The following LYRM2 variants were observed in gnomAD, a reference collection of about 807,000 sequenced individuals.
LYRM2 encodes the protein LYR motif-containing protein 2.
In LYRM2, 8 loss-of-function variants were observed where a neutral mutation model predicts 11.6. The observed-to-expected ratio is 0.69, with a 90% CI of 0.40 to 1.24. LYRM2 has a LOEUF of 1.24. Among genes scored for constraint, LYRM2 ranks in the 50% most tolerant of loss-of-function variants. LYRM2 has a pLI of 0.01. For missense variants in LYRM2, 117 were observed against 102.9 expected (o/e 1.14, Z -0.59); for synonymous variants, 30 against 36.4 (o/e 0.83, Z 0.63).
rs1807890055 is a variant in LYRM2, at chr6:89,634,085, G to C, written c.*3188C>G. The C allele has an allele frequency of 6.6e-6, 1 of 152,186 alleles. No homozygotes were observed. Among genetic ancestry groups the C allele is most frequent in the African/African-American group, 2.4e-5 (1 of 41,442 alleles). The allele number at this position is 152,186 out of a possible 1,614,324, so 9.4% of individuals were successfully genotyped here. On this transcript the variant is annotated 3_prime_UTR_variant, in exon 3 of 3. Coordinates refer to ENST00000523377, the MANE Select transcript of LYRM2 (RefSeq NM_020466.5). ...TTGGAAAATACTGGACAAAGGGGAAGGACAAAACATCATTTGCAATAGTTA... is the reference window on the plus strand; with the variant it reads ...TTGGAAAATACTGGACAAAGGGGAACGACAAAACATCATTTGCAATAGTTA...
chr6:89,636,444 T>G lies in LYRM2; in HGVS notation c.*829A>C, dbSNP rs1045183032. On this transcript the variant is annotated 3_prime_UTR_variant, in exon 3 of 3. Coordinates refer to ENST00000523377, the MANE Select transcript of LYRM2 (RefSeq NM_020466.5). ...ATCCATGTTTAGTATATATAAGTCC[T>G]TCGTTTCTTTTTAGTGCCAAATAAT... 6.6e-6 allele frequency: 1 copy of G among 152,206 alleles called. No individual in the cohort carries two copies. The highest frequency in any genetic ancestry group is 1.5e-5 in the Non-Finnish European group (1 of 68,056). 9.4% of individuals were successfully genotyped at this position (152,206 alleles called of 1,614,324 possible).
In LYRM2 at chr6:89,634,593, C is replaced by T. The variant is rs1033724153; in HGVS notation, c.*2680G>A. On this transcript the variant is annotated 3_prime_UTR_variant, in exon 3 of 3. Coordinates refer to ENST00000523377, the MANE Select transcript of LYRM2 (RefSeq NM_020466.5). The stretch of plus-strand genomic sequence containing the variant: ...GGTCATGGTGGCACATGCCTGTGGT[C>T]CCAGCTAAATGAAAATCTGAAGCAG... The T allele has an allele frequency of 2.6e-5, 4 of 151,960 alleles. No homozygotes were observed. The highest frequency in any genetic ancestry group is 5.9e-5 in the Non-Finnish European group (4 of 68,000). 9.4% of individuals were successfully genotyped at this position (151,960 alleles called of 1,614,324 possible).
Position 89,636,148 on chromosome 6 carries a change from A to G in LYRM2, c.*1125T>C, listed in dbSNP as rs1362657183. ...TCAAGAGTTTTTTAATAACAGCTTT[A>G]TTGAGATACAATTCATACCTTACAT... On this transcript the variant is annotated 3_prime_UTR_variant, in exon 3 of 3. Coordinates refer to ENST00000523377, the MANE Select transcript of LYRM2 (RefSeq NM_020466.5). 6.6e-6 allele frequency: 1 copy of G among 152,240 alleles called. No individual in the cohort carries two copies. Among genetic ancestry groups the G allele is most frequent in the African/African-American group, 2.4e-5 (1 of 41,458 alleles). 9.4% of individuals were successfully genotyped at this position (152,240 alleles called of 1,614,324 possible). A position where few individuals can be genotyped will look rare whatever the true frequency, so the allele number is the denominator to read the frequency against.
chr6:89,638,392 A>G (rs927492943), intron 1 of LYRM2: 7 of 1,392,992 alleles, frequency 5.0e-6, no homozygotes, highest in Non-Finnish European at 6.5e-6. Flanking sequence ...GCTCAGTGCA[A>G]TAGACTTTTA....
Position 89,633,427 on chromosome 6 carries a change from G to A in LYRM2, c.*3846C>T, listed in dbSNP as rs548945955. The stretch of plus-strand genomic sequence containing the variant: ...TAGCTATCTGCTAAAGTGAGTAAAT[G>A]CCACAACTGTACTTTTCCAAAGAAA... On this transcript the variant is annotated 3_prime_UTR_variant, in exon 3 of 3. Transcript: ENST00000523377. The A allele has an allele frequency of 2.0e-5, 3 of 152,288 alleles. No homozygotes were observed. The highest frequency in any genetic ancestry group is 4.8e-5 in the African/African-American group (2 of 41,560). The allele number at this position is 152,288 out of a possible 1,614,324, so 9.4% of individuals were successfully genotyped here. A position where few individuals can be genotyped will look rare whatever the true frequency, so the allele number is the denominator to read the frequency against.
rs1807988023 is a variant in LYRM2, at chr6:89,635,765, T to G, written c.*1508A>C. ...GCCTTGAAGTCAATTTTGGTTGTAA[T>G]GTATTTGTCTCTGACGTATTCTTCA... On this transcript the variant is annotated 3_prime_UTR_variant, in exon 3 of 3. Transcript: ENST00000523377. The G allele has an allele frequency of 6.6e-6, 1 of 152,272 alleles. No homozygotes were observed. The highest frequency in any genetic ancestry group is 1.5e-5 in the Non-Finnish European group (1 of 68,058). The allele number at this position is 152,272 out of a possible 1,614,324, so 9.4% of individuals were successfully genotyped here.
rs1381831691 is a variant in LYRM2 at position 89,637,754 on chromosome 6, A to C, written c.174T>G (p.Ser58Arg). The C allele has an allele frequency of 6.2e-7, 1 of 1,613,896 alleles. No individual in the cohort carries two copies. The highest frequency in any genetic ancestry group is 2.2e-5 in the East Asian group (1 of 44,884). The change falls in exon 2 of 3, where the codon AGT (serine) becomes AGG (arginine). Residue 58 changes from serine to arginine, a missense_variant. By Grantham distance (110) the Ser-to-Arg change is moderately radical (BLOSUM62 -1). Transcript: ENST00000523377. ...WAREEFRRNK[S>R]ATEEDTIRMM... ...ATTTTGTTCTCACCTCTTCGGTGGC[A>C]CTTTTGTTTCTTCTGAATTCTTCTC...
At chr6:89,638,378 C>T in intron 1 of LYRM2, 3 of 1,338,592 alleles carry the variant, frequency 2.2e-6, no homozygotes, top group South Asian at 1.8e-5. Flanking sequence ...TGCTGTTTGC[C>T]ACAGCTCAGT....
chr6:89,634,277 T>C lies in LYRM2; in HGVS notation c.*2996A>G, dbSNP rs1254144309. The stretch of plus-strand genomic sequence containing the variant: ...TTTATGAGTAAGAGTAAAACATACA[T>C]TTCTTATTTGTAATTTTATTTAAGG... On this transcript the variant is annotated 3_prime_UTR_variant, in exon 3 of 3. Transcript: ENST00000523377. The C allele has an allele frequency of 2.6e-5, 4 of 152,050 alleles. No individual in the cohort carries two copies. The highest frequency in any genetic ancestry group is 5.9e-5 in the Non-Finnish European group (4 of 68,002). 9.4% of individuals were successfully genotyped at this position (152,050 alleles called of 1,614,324 possible).
chr6:89,638,422 G>A (rs1808081797), intron 1 of LYRM2: 3 of 1,424,734 alleles, frequency 2.1e-6, no homozygotes, highest in Non-Finnish European at 9.2e-7. Flanking sequence ...CTGGGCAGCT[G>A]AGGCACCGGG....
rs2128294950 is a variant in LYRM2, at chr6:89,634,485, TGCTTGAGCCCAGGA to T, written c.*2774_*2787del. 1 of 151,034 alleles carries T rather than the reference TGCTTGAGCCCAGGA, an allele frequency of 6.6e-6. No homozygotes were observed. The highest frequency in any genetic ancestry group is 2.1e-4 in the South Asian group (1 of 4,756). 9.4% of individuals were successfully genotyped at this position (151,034 alleles called of 1,614,324 possible). On this transcript the variant is annotated 3_prime_UTR_variant, in exon 3 of 3. Coordinates refer to ENST00000523377, the MANE Select transcript of LYRM2 (RefSeq NM_020466.5). ...ACTCTGGCCACCGAGGCAGGTGGAT[TGCTTGAGCCCAGGA>T]GTTTGAGACTAGCCTGGCAACAAAG...
intron 1 of LYRM2, chr6:89,638,143 T>A: frequency 1.6e-6 from 1 of 629,796 alleles, no homozygotes; most frequent in Non-Finnish European, 2.3e-6. Flanking sequence ...GCTACTGCAC[T>A]CAGCCTGGGC....
Position 89,634,981 on chromosome 6 carries a change from C to G in LYRM2, c.*2292G>C, listed in dbSNP as rs1470125957. ...GCCTAGCTAGTCTCGAAATCCTGAC[C>G]TAAAGTGATCCACCCACCTCAGCCT... On this transcript the variant is annotated 3_prime_UTR_variant, in exon 3 of 3. Coordinates refer to ENST00000523377, the MANE Select transcript of LYRM2 (RefSeq NM_020466.5). 2 of 152,022 alleles carry G rather than the reference C, an allele frequency of 1.3e-5. No individual in the cohort carries two copies. The highest frequency in any genetic ancestry group is 2.9e-5 in the Non-Finnish European group (2 of 68,018). 9.4% of individuals were successfully genotyped at this position (152,022 alleles called of 1,614,324 possible). A position where few individuals can be genotyped will look rare whatever the true frequency, so the allele number is the denominator to read the frequency against.
In LYRM2 at chr6:89,635,180, T is replaced by C. The variant is rs1316598276; in HGVS notation, c.*2093A>G. The C allele has an allele frequency of 6.6e-6, 1 of 152,236 alleles. No individual in the cohort carries two copies. Among genetic ancestry groups the C allele is most frequent in the Admixed American group, 6.5e-5 (1 of 15,290 alleles). The allele number at this position is 152,236 out of a possible 1,614,324, so 9.4% of individuals were successfully genotyped here. Reference sequence around the variant, plus strand: ...CACACCACTGTTAGGAAGAGCATCATTAAATCACTGACTTCTACACCCATA... The same window carrying C: ...CACACCACTGTTAGGAAGAGCATCACTAAATCACTGACTTCTACACCCATA... On this transcript the variant is annotated 3_prime_UTR_variant, in exon 3 of 3. Coordinates refer to ENST00000523377, the MANE Select transcript of LYRM2 (RefSeq NM_020466.5).
At position 89,638,705 on chromosome 6, in the gene LYRM2, G is replaced by C. The variant is rs767494681; in HGVS notation, c.12C>G (p.Ser4=). 2 of 1,614,106 alleles carry C rather than the reference G, an allele frequency of 1.2e-6. No homozygotes were observed. The change falls in exon 1 of 3, where the codon TCC becomes TCG. Residue 4 remains serine, a synonymous_variant. Coordinates refer to ENST00000523377, the MANE Select transcript of LYRM2 (RefSeq NM_020466.5). ...ACGTTAGCGTCGCTGGGGGTAAGCG[G>C]GAAGCAGCCATGTCCACCAGAGGTC... The part of the protein sequence containing the change: MAA[S]RLPPATLTLK...
At chr6:89,638,246 C>T in intron 1 of LYRM2, 1 of 1,116,462 alleles carries the variant, frequency 9.0e-7, no homozygotes, top group Non-Finnish European at 1.1e-6. Context: ...AACCTAAGAA[C>T]CATTAAAAAA....
At position 89,637,880 on chromosome 6, in the gene LYRM2, G is replaced by A. The variant is rs780981536; in HGVS notation, c.48C>T (p.Phe16=). The A allele has an allele frequency of 2.5e-5, 40 of 1,612,796 alleles. 1 individual carries two copies. The South Asian group carries it at 3.9e-4, about 16-fold the overall frequency. Residue 16 remains phenylalanine, a splice_region_variant and synonymous_variant, in exon 2 of 3, where the codon TTC becomes TTT. Transcript: ENST00000523377. ...GGAGAAGAACTTGTTGCCTTCTTACGAACTGTAAAAGGGAGGAGTAAATAG... is the reference window on the plus strand; with the variant it reads ...GGAGAAGAACTTGTTGCCTTCTTACAAACTGTAAAAGGGAGGAGTAAATAG... ...LPPATLTLKQ[F]VRRQQVLLLY...
chr6:89,638,738 G>A lies in LYRM2; in HGVS notation c.-22C>T, dbSNP rs1808098348. 10 of 1,613,546 alleles carry A rather than the reference G, an allele frequency of 6.2e-6. No individual in the cohort carries two copies. The highest frequency in any genetic ancestry group is 8.5e-6 in the Non-Finnish European group (10 of 1,179,836). On this transcript the variant is annotated 5_prime_UTR_variant, in exon 1 of 3. Transcript: ENST00000523377. ...CCATGTCCACCAGAGGTCCGCCGGA[G>A]CCTCAGCGCGCAGGAGCGGAAGTGG...
At chr6:89,638,518 G>A (rs1808085198) in intron 1 of LYRM2, 154 bp downstream of exon 1, 7 of 1,545,260 alleles carry the variant, frequency 4.5e-6, no homozygotes, top group South Asian at 1.2e-5. Context: ...AGGCCCCGCG[G>A]AGCGAAGCAC....
Sources: gnomAD v4.1 joint callset for allele counts on GRCh38, gnomAD v4.1.1 for gene constraint, MANE v1.5 for transcripts, NCBI Gene and HGNC (gene_info 2026-07-23, HGNC 2026-07-21) for gene names.